The following DOK5 variants were observed in gnomAD, a reference collection of about 807,000 sequenced individuals.
DOK5 encodes docking protein 5.
A neutral mutation model predicts 43.3 loss-of-function variants in DOK5; 27 were observed. The ratio of observed to expected loss-of-function variants is 0.62; its 90% CI spans 0.46 to 0.86. The LOEUF is 0.86. DOK5 is among the 40% of genes least tolerant of loss of function. The pLI is 0.00. For missense variants in DOK5, 373 were observed against 392.9 expected, an observed-to-expected ratio of 0.95 and a Z score of 0.43; for synonymous variants, 146 against 140.1, an observed-to-expected ratio of 1.04 and a Z score of -0.30.
intron 1 of DOK5, among the ~76,000 whole-genome samples, chr20:54,535,374 A>T (rs1441122655): frequency 6.6e-6 from 1 of 151,778 alleles, no homozygotes; most frequent in African/African-American, 2.4e-5. Context: ...AATTTTCTAT[A>T]CTGAGCCTTC....
chr20:54,542,329 C>T (rs969461714), intron 1 of DOK5, among the ~76,000 whole-genome samples: 1 of 152,188 alleles, frequency 6.6e-6, no homozygotes, highest in African/African-American at 2.4e-5. Flanking sequence ...ATAGAATGCT[C>T]ACCCAGTATT....
At chr20:54,493,317 G>C (rs896790037) in intron 1 of DOK5, among the ~76,000 whole-genome samples, 2 of 152,100 alleles carry the variant, frequency 1.3e-5, no homozygotes, top group Non-Finnish European at 2.9e-5. Context: ...ATCAGTGCAT[G>C]AGCCCAACAC....
At chr20:54,551,441 A>C (rs6098079) in intron 1 of DOK5, among the ~76,000 whole-genome samples, 14 of 152,140 alleles carry the variant, frequency 9.2e-5, no homozygotes, top group Non-Finnish European at 1.8e-4. Context: ...TCTGTGGATT[A>C]TGCCTTTGAT....
chr20:54,480,749 C>T (rs1470459953), intron 1 of DOK5, among the ~76,000 whole-genome samples: 2 of 152,130 alleles, frequency 1.3e-5, no homozygotes, highest in African/African-American at 4.8e-5. Context: ...TTACAATGGG[C>T]CATGAGGCCC....
At chr20:54,548,202 A>G (rs868468722) in intron 1 of DOK5, among the ~76,000 whole-genome samples, 3 of 152,028 alleles carry the variant, frequency 2.0e-5, no homozygotes, top group East Asian at 3.8e-4. Context: ...ATTCTCATAC[A>G]GTGTATTTAC....
intron 6 of DOK5, among the ~76,000 whole-genome samples, chr20:54,630,844 T>C (rs1046712222): frequency 6.6e-6 from 1 of 152,200 alleles, no homozygotes; most frequent in Non-Finnish European, 1.5e-5. Flanking sequence ...TATTGTAATA[T>C]GCAAATTAAA....
chr20:54,567,302 G>A (rs1985130761), intron 2 of DOK5, among the ~76,000 whole-genome samples: 1 of 151,962 alleles, frequency 6.6e-6, no homozygotes. Context: ...TAAGAAAAAA[G>A]GTATAGTTTT....
At chr20:54,610,354 A>AT in intron 5 of DOK5, 34 bp from the exon 6 acceptor site, 1 of 1,475,016 alleles carries the variant, frequency 6.8e-7, no homozygotes, top group Non-Finnish European at 9.0e-7. Context: ...TAGGCGCTGG[A>AT]TTTTCAGAAG....
At chr20:54,548,689 T>C (rs894714886) in intron 1 of DOK5, among the ~76,000 whole-genome samples, 2 of 152,236 alleles carry the variant, frequency 1.3e-5, no homozygotes, top group East Asian at 3.8e-4. Context: ...ACATAAAATA[T>C]AAAGACAGTT....
intron 5 of DOK5, among the ~76,000 whole-genome samples, chr20:54,607,344 G>C (rs1986503229): frequency 6.6e-6 from 1 of 151,652 alleles, no homozygotes; most frequent in Non-Finnish European, 1.5e-5. Flanking sequence ...CACGTTCTCT[G>C]CCTGAACTCT....
Position 54,481,093 on chromosome 20 carries a change from CT to C in DOK5, c.66+5082del, listed in dbSNP as rs201652992. 2.2e-3 allele frequency among the ~76,000 whole-genome samples: 257 copies of C among 118,276 alleles called. 5 individuals carry two copies. The highest frequency in any genetic ancestry group is 8.9e-3 in the African/African-American group (228 of 25,672). 77.6% of individuals were successfully genotyped at this position (118,276 alleles called of 152,430 possible). A position where few individuals can be genotyped will look rare whatever the true frequency, so the allele number is the denominator to read the frequency against. On this transcript the variant is annotated intron_variant, in intron 1 of 7. Coordinates refer to ENST00000262593, the MANE Select transcript of DOK5 (RefSeq NM_018431.5). ...CATCTATCTATCTATCATCTACCAT[CT>C]ATCTATCTATCATCTATCTATCTAT...
chr20:54,583,401 C>T (rs1017635701), intron 2 of DOK5, among the ~76,000 whole-genome samples: 1 of 152,076 alleles, frequency 6.6e-6, no homozygotes, highest in Non-Finnish European at 1.5e-5. Flanking sequence ...TTTAATTGGT[C>T]TTCAGTGTTG....
At chr20:54,519,303 G>T (rs114095440) in intron 1 of DOK5, among the ~76,000 whole-genome samples, 1 of 152,172 alleles carries the variant, frequency 6.6e-6, no homozygotes, top group African/African-American at 2.4e-5. Context: ...GGGACATGAT[G>T]TATGTTTAAT....
chr20:54,555,197 T>G, intron 2 of DOK5, 157 bp downstream of exon 2: 2 of 597,266 alleles, frequency 3.3e-6, no homozygotes, highest in Non-Finnish European at 6.0e-6. Context: ...GCTAATTGTT[T>G]CAAGTAATTG....
chr20:54,639,731 A>G (rs905015202), intron 6 of DOK5, among the ~76,000 whole-genome samples: 1 of 152,230 alleles, frequency 6.6e-6, no homozygotes, highest in African/African-American at 2.4e-5. Context: ...CTGTGGCTTT[A>G]GCAGAAGGAC....
In DOK5 at chr20:54,622,208, T is replaced by TA. The variant is rs373289238; in HGVS notation, c.735+11693dup. On this transcript the variant is annotated intron_variant, in intron 6 of 7. Coordinates refer to ENST00000262593, the MANE Select transcript of DOK5 (RefSeq NM_018431.5). ...CTCCATCTCAAAAAAAAAGAAAAAATAAAAAAAATAAAATAAAAAAAAGAG... is the reference window on the plus strand; with the variant it reads ...CTCCATCTCAAAAAAAAAGAAAAAATAAAAAAAAATAAAATAAAAAAAAGAG... Among the ~76,000 whole-genome samples the TA allele has an allele frequency of 7.4e-5, 11 of 147,828 alleles. 1 individual carries two copies. The South Asian group carries it at 8.6e-4, about 11-fold the overall frequency.
intron 4 of DOK5, among the ~76,000 whole-genome samples, chr20:54,589,052 A>T (rs924904270): frequency 6.6e-6 from 1 of 152,160 alleles, no homozygotes; most frequent in Non-Finnish European, 1.5e-5. Flanking sequence ...GGAACCTGCT[A>T]TGTGCCAGTT....
At chr20:54,521,200 A>G (rs1442127939) in intron 1 of DOK5, among the ~76,000 whole-genome samples, 2 of 151,968 alleles carry the variant, frequency 1.3e-5, no homozygotes, top group East Asian at 1.9e-4. Context: ...TTTTAATGAC[A>G]TGACTTCTGA....
At chr20:54,494,721 A>G (rs1439684842) in intron 1 of DOK5, 1 of 152,120 alleles carries the variant, frequency 6.6e-6, no homozygotes, top group East Asian at 1.9e-4. Context: ...CAGTAGATTC[A>G]TACACTGAAA....
Sources: allele counts gnomAD v4.1 joint callset (sites outside exome capture counted in the v4.1 genomes callset), GRCh38; gene constraint gnomAD v4.1.1; transcripts MANE v1.5; gene names NCBI Gene and HGNC (gene_info 2026-07-23, HGNC 2026-07-21).